Variants in MTMR3 observed in about 807,000 individuals in gnomAD.
MTMR3 encodes the protein phosphatidylinositol-3,5-bisphosphate 3-phosphatase MTMR3.
Under a neutral mutation model 132.4 loss-of-function variants are expected in MTMR3, and 32 were observed. The observed-to-expected ratio is 0.24, with a 90% CI of 0.18 to 0.32. MTMR3 has a LOEUF of 0.32. MTMR3 is among the 10% of genes least tolerant of loss of function. The pLI is 1.00. For missense variants in MTMR3, 1,216 were observed against 1,489.6 expected, an observed-to-expected ratio of 0.82 and a Z score of 3.02; for synonymous variants, 556 against 550.3, an observed-to-expected ratio of 1.01 and a Z score of -0.14.
chr22:30,029,505 C>T lies in MTMR3; in HGVS notation c.*3704C>T, dbSNP rs1187504813. ...TGCTGGAGGACCTGTTAAACAATCT[C>T]TGGCTATTAAAAAACATCAAGATGA... On this transcript the variant is annotated 3_prime_UTR_variant, in exon 20 of 20. Transcript: ENST00000401950. The T allele has an allele frequency of 1.3e-5, 2 of 152,326 alleles. No homozygotes were observed. The highest frequency in any genetic ancestry group is 2.9e-5 in the Non-Finnish European group (2 of 68,048). The allele number at this position is 152,326 out of a possible 1,614,324, so 9.4% of individuals were successfully genotyped here.
At chr22:30,009,234 C>A in intron 12 of MTMR3, 105 bp downstream of exon 12, 1 of 776,078 alleles carries the variant, frequency 1.3e-6, no homozygotes, top group South Asian at 1.6e-5. Context: ...TAATTTGGAG[C>A]AGTCTTTCCT....
chr22:29,900,859 G>A (rs930802755), intron 1 of MTMR3, among the ~76,000 whole-genome samples: 3 of 152,074 alleles, frequency 2.0e-5, no homozygotes, highest in Non-Finnish European at 2.9e-5. Flanking sequence ...GACTACAGGT[G>A]TGTGCCACCA....
At chr22:29,896,762 A>G (rs2064904968) in intron 1 of MTMR3, among the ~76,000 whole-genome samples, 1 of 152,170 alleles carries the variant, frequency 6.6e-6, no homozygotes, top group Non-Finnish European at 1.5e-5. Context: ...TTCCAGTATT[A>G]AATGGCAAAT....
At chr22:29,934,178 C>T (rs2065701882) in intron 1 of MTMR3, among the ~76,000 whole-genome samples, 1 of 152,206 alleles carries the variant, frequency 6.6e-6, no homozygotes, top group East Asian at 1.9e-4. Context: ...CACGGTGAAA[C>T]CCCATCTCTA....
At position 30,002,972 on chromosome 22, in the gene MTMR3, G is replaced by A. The variant is rs1285153532; in HGVS notation, c.650G>A (p.Arg217His). The A allele has an allele frequency of 6.2e-7, 1 of 1,613,760 alleles. No individual in the cohort carries two copies. The highest frequency in any genetic ancestry group is 8.5e-7 in the Non-Finnish European group (1 of 1,179,792). Residue 217 changes from arginine to histidine, a missense_variant, in exon 9 of 20, where the codon CGC (arginine) becomes CAC (histidine). By Grantham distance (29) the Arg-to-His change is conservative. Coordinates refer to ENST00000401950, the MANE Select transcript of MTMR3 (RefSeq NM_021090.4). The stretch of plus-strand genomic sequence containing the variant: ...GTATCAAGTTTCAGGTCCTGGAAGC[G>A]CATCCCTGCCGTCATCTACAGGTAA... Reference protein sequence around the residue: ...ESVSSFRSWKRIPAVIYRHQS... With the variant: ...ESVSSFRSWKHIPAVIYRHQS...
At chr22:29,969,716 G>A (rs2066495683) in intron 2 of MTMR3, among the ~76,000 whole-genome samples, 1 of 152,058 alleles carries the variant, frequency 6.6e-6, no homozygotes, top group Admixed American at 6.6e-5. Context: ...ATTTTTAGTA[G>A]AGATGGGGTT....
chr22:29,955,618 C>T (rs1370534188), intron 1 of MTMR3, among the ~76,000 whole-genome samples: 1 of 152,008 alleles, frequency 6.6e-6, no homozygotes, highest in Admixed American at 6.6e-5. Flanking sequence ...AATAATATGG[C>T]CTGAGTTATA....
At chr22:29,904,494 G>A (rs1370902760) in intron 1 of MTMR3, among the ~76,000 whole-genome samples, 6 of 152,168 alleles carry the variant, frequency 3.9e-5, no homozygotes, top group African/African-American at 7.2e-5. Context: ...TGATCTTGGG[G>A]AAGTTCTTTA....
chr22:29,941,881 C>T (rs2065863761), intron 1 of MTMR3, among the ~76,000 whole-genome samples: 1 of 152,090 alleles, frequency 6.6e-6, no homozygotes, highest in African/African-American at 2.4e-5. Context: ...ACTTGGGAGG[C>T]CATGGTAGGA....
At chr22:29,906,245 C>CGTCT (rs57375920) in intron 1 of MTMR3, among the ~76,000 whole-genome samples, 61 of 107,140 alleles carry the variant, frequency 5.7e-4, no homozygotes, top group Admixed American at 8.6e-4. Context: ...TCCATCCATC[C>CGTCT]GTCTGTCTGT....
At chr22:29,953,380 T>A (rs376447141) in intron 1 of MTMR3, among the ~76,000 whole-genome samples, 391 of 152,294 alleles carry the variant, frequency 2.6e-3, no homozygotes, top group African/African-American at 9.0e-3. Context: ...CAAATTGGTG[T>A]GCCTCTTTGC....
At chr22:29,998,980 T>G in intron 8 of MTMR3, 123 bp downstream of exon 8, 1 of 587,214 alleles carries the variant, frequency 1.7e-6, no homozygotes, top group Non-Finnish European at 2.9e-6. Context: ...TTATTAAATC[T>G]AAAGGCATGA....
rs372365837 is a variant in MTMR3 at position 29,975,084 on chromosome 22, C to G, written c.4-3358C>G. Among the ~76,000 whole-genome samples, 3 of 152,174 alleles carry G rather than the reference C, an allele frequency of 2.0e-5. No homozygotes were observed. In the East Asian group the frequency reaches 5.8e-4, roughly 29 times the overall value. On this transcript the variant is annotated intron_variant, in intron 3 of 19. Transcript: ENST00000401950. ...CTAGGAGAATGGTTTTAGGAAAAGC[C>G]TGGCTTTTGGAGTGAAGCAGCTTTA...
At chr22:29,899,545 A>G (rs1435846280) in intron 1 of MTMR3, 4 of 152,076 alleles carry the variant, frequency 2.6e-5, no homozygotes, top group Admixed American at 2.6e-4. Flanking sequence ...CTTCATATTG[A>G]TCATTGTTTT....
At position 29,931,648 on chromosome 22, in the gene MTMR3, C is replaced by T. The variant is rs1191846553; in HGVS notation, c.-137-25388C>T. Among the ~76,000 whole-genome samples, 4 of 152,262 alleles carry T rather than the reference C, an allele frequency of 2.6e-5. No individual in the cohort carries two copies. The East Asian group carries it at 5.8e-4, about 22-fold the overall frequency. ...CAGGCTGTTCTTGAACTCCTGACCT[C>T]GTGATCCGCCTGCCTTGGCCTTCCA... On this transcript the variant is annotated intron_variant, in intron 1 of 19. Coordinates refer to ENST00000401950, the MANE Select transcript of MTMR3 (RefSeq NM_021090.4).
At chr22:29,986,587 A>G in intron 5 of MTMR3, 2 of 984,588 alleles carry the variant, frequency 2.0e-6, no homozygotes, top group Non-Finnish European at 2.4e-6. Context: ...CCTTGGGGTT[A>G]AGGACGTAAA....
intron 1 of MTMR3, among the ~76,000 whole-genome samples, chr22:29,951,534 C>G (rs180881849): frequency 6.6e-5 from 10 of 152,276 alleles, no homozygotes; most frequent in African/African-American, 2.2e-4. Context: ...AGCCTGTTGT[C>G]TAAAAATGTT....
At chr22:29,911,894 T>A (rs1214851725) in intron 1 of MTMR3, among the ~76,000 whole-genome samples, 1 of 152,184 alleles carries the variant, frequency 6.6e-6, no homozygotes, top group Non-Finnish European at 1.5e-5. Context: ...TTAAAGAGCT[T>A]ATCACCATAA....
intron 1 of MTMR3, among the ~76,000 whole-genome samples, chr22:29,931,722 A>G (rs779708370): frequency 1.3e-5 from 2 of 150,858 alleles, no homozygotes; most frequent in Non-Finnish European, 3.0e-5. Context: ...TGCCAAAGCT[A>G]TGTTTTAAAA....
Sources: allele counts gnomAD v4.1 joint callset (sites outside exome capture counted in the v4.1 genomes callset), GRCh38; gene constraint gnomAD v4.1.1; transcripts MANE v1.5; gene names NCBI Gene and HGNC (gene_info 2026-07-23, HGNC 2026-07-21).